Variants in CHRAC1 observed in about 807,000 individuals in gnomAD.
CHRAC1 encodes chromatin accessibility complex subunit 1.
A neutral mutation model predicts 9.1 loss-of-function variants in CHRAC1; 6 were observed. The observed-to-expected ratio is 0.66, with a 90% CI of 0.36 to 1.29. The LOEUF (loss-of-function observed/expected upper bound fraction) is 1.29, where lower values mean the gene tolerates loss of function less well. Among genes scored for constraint, CHRAC1 ranks in the 50% most tolerant of loss-of-function variants. The probability of loss-of-function intolerance (pLI) is 0.03; values close to 1 mark genes in which losing one functional copy is unlikely to be tolerated. For missense variants in CHRAC1, 168 were observed against 163.5 expected, an observed-to-expected ratio of 1.03 and a Z score of -0.15; for synonymous variants, 73 against 64.5, an observed-to-expected ratio of 1.13 and a Z score of -0.63.
At position 140,512,065 on chromosome 8, in the gene CHRAC1, C is replaced by T. The variant is rs76790724; in HGVS notation, c.147+419C>T. The T allele has an allele frequency of 4.8e-5, 61 of 1,262,916 alleles. No homozygotes were observed. The East Asian group carries it at 2.5e-3, about 53-fold the overall frequency. The allele number at this position is 1,262,916 out of a possible 1,614,324, so 78.2% of individuals were successfully genotyped here. A position where few individuals can be genotyped will look rare whatever the true frequency, so the allele number is the denominator to read the frequency against. On this transcript the variant is annotated intron_variant, in intron 1 of 2. Coordinates refer to ENST00000220913, the MANE Select transcript of CHRAC1 (RefSeq NM_017444.6). ...TCCTCTGCGCGCCTTTCGTCCCTCC[C>T]ACCTGTGCGCTCACGTCCTCCCTCG...
At chr8:140,513,611 T>A (rs10092999) in intron 1 of CHRAC1, among the ~76,000 whole-genome samples, 2,280 of 151,676 alleles carry the variant, frequency 0.015, 45 homozygotes, top group South Asian at 0.059. Flanking sequence ...TTGTTTTTTT[T>A]TTTTATTTTA....
chr8:140,514,592 A>G (rs527804753), intron 2 of CHRAC1, 97 bp downstream of exon 2: 105 of 1,014,166 alleles, frequency 1.0e-4, no homozygotes, highest in Non-Finnish European at 1.3e-4. Flanking sequence ...GGAAAATTAG[A>G]CTTTTTGCTA....
chr8:140,514,953 T>C (rs1361819786), intron 2 of CHRAC1, 173 bp from the exon 3 acceptor site: 1 of 633,412 alleles, frequency 1.6e-6, no homozygotes, highest in South Asian at 1.9e-5. Context: ...TAGCGTTCGT[T>C]AGGAGACAAT....
intron 1 of CHRAC1, among the ~76,000 whole-genome samples, chr8:140,513,610 T>G (rs1317252348): frequency 1.3e-5 from 2 of 151,740 alleles, no homozygotes; most frequent in African/African-American, 2.4e-5. Context: ...TTTGTTTTTT[T>G]TTTTTATTTT....
intron 1 of CHRAC1, among the ~76,000 whole-genome samples, chr8:140,513,913 C>G (rs373072522): frequency 1.1e-5 from 1 of 87,480 alleles, no homozygotes; most frequent in East Asian, 4.1e-4. Context: ...CCAGTGATTT[C>G]TTTTTTTTTT....
intron 1 of CHRAC1, chr8:140,511,850 C>G: frequency 1.3e-6 from 1 of 748,854 alleles, no homozygotes; most frequent in South Asian, 1.5e-5. Flanking sequence ...CTTCGCCCCG[C>G]CCACCCCTCG....
chr8:140,511,773 C>A lies in CHRAC1; in HGVS notation c.147+127C>A, dbSNP rs557094356. ...CTGCTCTTGCCGGGCTCGCGCGCGCCCCGCTGTCCCCGTCCCACGCCGGCG... is the reference window on the plus strand; with the variant it reads ...CTGCTCTTGCCGGGCTCGCGCGCGCACCGCTGTCCCCGTCCCACGCCGGCG... On this transcript the variant is annotated intron_variant, in intron 1 of 2. Coordinates refer to ENST00000220913, the MANE Select transcript of CHRAC1 (RefSeq NM_017444.6). 2,614 of 877,564 alleles carry A rather than the reference C, an allele frequency of 3.0e-3. 60 individuals are homozygous for A. The African/African-American group carries it at 0.044, about 15-fold the overall frequency. The allele number at this position is 877,564 out of a possible 1,614,324, so 54.4% of individuals were successfully genotyped here. A position where few individuals can be genotyped will look rare whatever the true frequency, so the allele number is the denominator to read the frequency against.
intron 1 of CHRAC1, 93 bp from the exon 2 acceptor site, chr8:140,514,276 T>C: frequency 7.6e-7 from 1 of 1,320,850 alleles, no homozygotes; most frequent in South Asian, 1.4e-5. Context: ...CTTTTAAGCC[T>C]AATTAAGGAA....
intron 1 of CHRAC1, chr8:140,511,920 T>G (rs766952343): frequency 8.4e-7 from 1 of 1,183,466 alleles, no homozygotes; most frequent in African/African-American, 1.6e-5. Context: ...TCCCGCCCTT[T>G]GTCGCCTTCC....
chr8:140,511,327 G>A lies in CHRAC1; in HGVS notation c.-173G>A. 2 of 451,002 alleles carry A rather than the reference G, an allele frequency of 4.4e-6. No homozygotes were observed. The highest frequency in any genetic ancestry group is 4.5e-5 in the Admixed American group (1 of 21,990). The allele number at this position is 451,002 out of a possible 1,614,324, so 27.9% of individuals were successfully genotyped here. On this transcript the variant is annotated 5_prime_UTR_variant, in exon 1 of 3. Transcript: ENST00000220913. ...GCAGATCGGGGGCGCGAGGCCTCACGGAGCTCGTAGTTTCCCGGACGGGCC... is the reference window on the plus strand; with the variant it reads ...GCAGATCGGGGGCGCGAGGCCTCACAGAGCTCGTAGTTTCCCGGACGGGCC...
intron 1 of CHRAC1, 45 bp downstream of exon 1, chr8:140,511,691 C>T (rs911067454): frequency 1.6e-6 from 2 of 1,286,660 alleles, no homozygotes; most frequent in African/African-American, 3.1e-5. Flanking sequence ...ACCCCTCGCG[C>T]CCCGCCCCGC....
At chr8:140,514,233 T>G in intron 1 of CHRAC1, 136 bp from the exon 2 acceptor site, 3 of 983,328 alleles carry the variant, frequency 3.1e-6, no homozygotes, top group Non-Finnish European at 4.3e-6. Flanking sequence ...TAATTTAATT[T>G]GAGAAACCAA....
In CHRAC1 at chr8:140,511,378, C is replaced by T; in HGVS notation, c.-122C>T. 2 of 920,952 alleles carry T rather than the reference C, an allele frequency of 2.2e-6. No homozygotes were observed. Among genetic ancestry groups the T allele is most frequent in the Non-Finnish European group, 1.4e-6 (1 of 693,318 alleles). The allele number at this position is 920,952 out of a possible 1,614,324, so 57.0% of individuals were successfully genotyped here. A position where few individuals can be genotyped will look rare whatever the true frequency, so the allele number is the denominator to read the frequency against. ...GCTCCCGGCCTCGCGGCCTCGCCTC[C>T]CCACACTACAACTCCCACGGGGCAG... On this transcript the variant is annotated 5_prime_UTR_variant, in exon 1 of 3. Transcript: ENST00000220913.
At chr8:140,511,786 T>A in intron 1 of CHRAC1, 140 bp downstream of exon 1, 2 of 889,782 alleles carry the variant, frequency 2.2e-6, no homozygotes, top group Non-Finnish European at 3.2e-6. Context: ...GCTGTCCCCG[T>A]CCCACGCCGG....
chr8:140,515,070 T>C, intron 2 of CHRAC1, 56 bp from the exon 3 acceptor site: 1 of 1,553,110 alleles, frequency 6.4e-7, no homozygotes, highest in Non-Finnish European at 8.8e-7. Flanking sequence ...AAATGTGCAT[T>C]GCTGTGTTCA....
chr8:140,511,687 C>G, intron 1 of CHRAC1, 41 bp downstream of exon 1: 1 of 1,291,456 alleles, frequency 7.7e-7, no homozygotes, highest in Non-Finnish European at 9.9e-7. Context: ...CCTTACCCCT[C>G]GCGCCCCGCC....
chr8:140,515,463 C>T lies in CHRAC1; in HGVS notation c.*216C>T, dbSNP rs1443146710. On this transcript the variant is annotated 3_prime_UTR_variant, in exon 3 of 3. Transcript: ENST00000220913. ...GAGGGAAAGCGACCCAGACAGCAGC[C>T]CCTCCTCGACAGGCCCACCCTGCAG... The T allele has an allele frequency of 5.3e-6, 2 of 378,498 alleles. No homozygotes were observed. Among genetic ancestry groups the T allele is most frequent in the Non-Finnish European group, 9.4e-6 (2 of 213,442 alleles). The allele number at this position is 378,498 out of a possible 1,614,324, so 23.4% of individuals were successfully genotyped here.
chr8:140,514,908 C>A, intron 2 of CHRAC1: 1 of 458,296 alleles, frequency 2.2e-6, no homozygotes, highest in Non-Finnish European at 3.9e-6. Flanking sequence ...ATAGAGACAC[C>A]ATGGTTTGTA....
chr8:140,514,032 G>A (rs979307567), intron 1 of CHRAC1, among the ~76,000 whole-genome samples: 2 of 137,122 alleles, frequency 1.5e-5, no homozygotes, highest in Non-Finnish European at 3.1e-5. Flanking sequence ...TCAGCCTCCC[G>A]CTGGCTGGGA....
Sources: allele counts gnomAD v4.1 joint callset (sites outside exome capture counted in the v4.1 genomes callset), GRCh38; gene constraint gnomAD v4.1.1; transcripts MANE v1.5; gene names NCBI Gene and HGNC (gene_info 2026-07-23, HGNC 2026-07-21).